MLPH: variants seen among roughly 807,000 people sequenced by gnomAD.
The protein encoded by MLPH is exophilin-3.
In MLPH, 51 loss-of-function variants were observed where a neutral mutation model predicts 72.1. The ratio of observed to expected loss-of-function variants is 0.71; its 90% CI spans 0.56 to 0.89. The LOEUF (loss-of-function observed/expected upper bound fraction) is 0.89. MLPH is among the 40% of genes least tolerant of loss of function. The pLI, the probability that MLPH is intolerant of heterozygous loss-of-function variation, is 0.00. For missense variants in MLPH, 743 were observed against 759.9 expected (o/e 0.98, Z 0.26); for synonymous variants, 301 against 310.1 (o/e 0.97, Z 0.31).
intron 10 of MLPH, 124 bp from the exon 11 acceptor site, chr2:237,540,678 C>G: frequency 6.6e-7 from 1 of 1,510,654 alleles, no homozygotes. Flanking sequence ...CAGCGGGTGG[C>G]CGGCTCCTGA....
In MLPH at chr2:237,518,028, G is replaced by A. The variant is rs1574861219; in HGVS notation, c.446-511G>A. Reference sequence around the variant, plus strand: ...GTGGGTGCATGGATGAAGGAGGGAGGGGTGGATGGGTGGGTGAGTGGATGA... The same window carrying A: ...GTGGGTGCATGGATGAAGGAGGGAGAGGTGGATGGGTGGGTGAGTGGATGA... On this transcript the variant is annotated intron_variant, in intron 4 of 15. Coordinates refer to ENST00000264605, the MANE Select transcript of MLPH (RefSeq NM_024101.7). 1.1e-5 allele frequency: 3 copies of A among 264,314 alleles called. No individual in the cohort carries two copies. The East Asian group carries it at 2.9e-4, about 26-fold the overall frequency. 16.4% of individuals were successfully genotyped at this position (264,314 alleles called of 1,614,324 possible).
At chr2:237,540,775 G>A (rs368718860) in intron 10 of MLPH, 27 bp from the exon 11 acceptor site, 148 of 1,611,430 alleles carry the variant, frequency 9.2e-5, no homozygotes, top group East Asian at 6.5e-4. Flanking sequence ...CCTGCTGCTG[G>A]TCAGCCTCCG....
Position 237,511,018 on chromosome 2 carries a change from A to G in MLPH, c.362A>G (p.Tyr121Cys), listed in dbSNP as rs1256128725. The G allele has an allele frequency of 6.2e-7, 1 of 1,613,912 alleles. No homozygotes were observed. Among genetic ancestry groups the G allele is most frequent in the Non-Finnish European group, 8.5e-7 (1 of 1,179,972 alleles). ...RVVKIGSLEW[Y>C]YEHVKARFKR... ...GTGAAGATCGGCTCACTGGAGTGGTACTATGAGCATGTGAAAGCCCGCTTC... is the reference window on the plus strand; with the variant it reads ...GTGAAGATCGGCTCACTGGAGTGGTGCTATGAGCATGTGAAAGCCCGCTTC... The change falls in exon 4 of 16, where the codon TAC becomes TGC. Residue 121 changes from tyrosine to cysteine, a missense_variant. By Grantham distance (194) the Tyr-to-Cys change is radical. Coordinates refer to ENST00000264605, the MANE Select transcript of MLPH (RefSeq NM_024101.7).
intron 15 of MLPH, 47 bp downstream of exon 15, chr2:237,552,484 C>A: frequency 6.7e-7 from 1 of 1,490,362 alleles, no homozygotes; most frequent in Non-Finnish European, 9.4e-7. Flanking sequence ...GTTCAGTGAC[C>A]CGTCAGATTT....
chr2:237,534,172 T>C (rs897152430), intron 8 of MLPH, among the ~76,000 whole-genome samples: 2 of 152,242 alleles, frequency 1.3e-5, no homozygotes, highest in Non-Finnish European at 2.9e-5. Context: ...TGCTAGCTAA[T>C]GACTGTGAGT....
chr2:237,511,180 ATGTGTGTGTGTACG>A, intron 4 of MLPH, 79 bp downstream of exon 4: 2 of 1,108,252 alleles, frequency 1.8e-6, no homozygotes, highest in Non-Finnish European at 1.4e-6. Context: ...TGGAGTGTGC[ATGTGTGTGTGTACG>A]TGTGTGTGTG....
chr2:237,545,554 C>T (rs1288167499), intron 12 of MLPH: 1 of 1,288,466 alleles, frequency 7.8e-7, no homozygotes, highest in African/African-American at 1.5e-5. Context: ...AATCATGTTG[C>T]CTCATGTGGA....
chr2:237,524,551 A>C (rs13391544), intron 6 of MLPH, among the ~76,000 whole-genome samples: 5,690 of 151,952 alleles, frequency 0.037, 344 homozygotes, highest in African/African-American at 0.12. Context: ...GGCTGATTAG[A>C]TGGTGCCCAC....
intron 4 of MLPH, among the ~76,000 whole-genome samples, chr2:237,514,986 G>A (rs1477594544): frequency 6.6e-6 from 1 of 152,206 alleles, no homozygotes; most frequent in Non-Finnish European, 1.5e-5. Context: ...CCTGATCTCA[G>A]CTGTTTGTTA....
At position 237,510,471 on chromosome 2, in the gene MLPH, ATG is replaced by A; in HGVS notation, c.111-99_111-98del. The A allele has an allele frequency of 9.5e-7, 1 of 1,050,640 alleles. No homozygotes were observed. Among genetic ancestry groups the A allele is most frequent in the Non-Finnish European group, 1.4e-6 (1 of 690,178 alleles). 65.1% of individuals were successfully genotyped at this position (1,050,640 alleles called of 1,614,324 possible). A position where few individuals can be genotyped will look rare whatever the true frequency, so the allele number is the denominator to read the frequency against. ...TAGGAGACAGTTACTGTGTGTGTGT[ATG>A]TGTCTGTGTCTGTGTGTGTGTGTAT... On this transcript the variant is annotated intron_variant, in intron 2 of 15. Coordinates refer to ENST00000264605, the MANE Select transcript of MLPH (RefSeq NM_024101.7). The surrounding 1 kb of genome is among the most constrained non-coding windows in gnomAD (Gnocchi z 4.4).
chr2:237,493,637 G>T lies in MLPH; in HGVS notation c.110+101G>T, dbSNP rs1326441668. 4 of 836,682 alleles carry T rather than the reference G, an allele frequency of 4.8e-6. No homozygotes were observed. The South Asian group carries it at 5.4e-5, about 11-fold the overall frequency. 51.8% of individuals were successfully genotyped at this position (836,682 alleles called of 1,614,324 possible). On this transcript the variant is annotated intron_variant, in intron 2 of 15. Transcript: ENST00000264605. ...GGGTGGGTCAACAGCCACGTGCAGG[G>T]TGAAGAGTGATGGACAGGAAGCCAG...
At chr2:237,546,790 A>G in intron 13 of MLPH, 107 bp downstream of exon 13, 1 of 895,320 alleles carries the variant, frequency 1.1e-6, no homozygotes, top group South Asian at 1.3e-5. Context: ...CAATGTCCTC[A>G]CAGCTACCCA....
At chr2:237,489,868 T>A (rs1468665351) in intron 1 of MLPH, among the ~76,000 whole-genome samples, 1 of 152,142 alleles carries the variant, frequency 6.6e-6, no homozygotes, top group East Asian at 1.9e-4. Context: ...GACACACTAC[T>A]GGAATTCAGC....
chr2:237,545,699 C>T, intron 12 of MLPH: 1 of 1,199,318 alleles, frequency 8.3e-7, no homozygotes, highest in Non-Finnish European at 1.1e-6. Context: ...CAGACAAAAC[C>T]ATCCTGATTA....
At chr2:237,517,384 C>G (rs1379818099) in intron 4 of MLPH, among the ~76,000 whole-genome samples, 2 of 142,966 alleles carry the variant, frequency 1.4e-5, no homozygotes, top group African/African-American at 5.1e-5. Context: ...GATGGATGGG[C>G]AGATAAGGTG....
chr2:237,488,343 C>T (rs116186581), intron 1 of MLPH, among the ~76,000 whole-genome samples: 2,988 of 152,178 alleles, frequency 0.02, 51 homozygotes, highest in Non-Finnish European at 0.027. Context: ...ACATTGACAC[C>T]CCGGGTTCAG....
intron 11 of MLPH, 35 bp from the exon 12 acceptor site, chr2:237,542,532 G>T: frequency 6.5e-7 from 1 of 1,533,826 alleles, no homozygotes. Context: ...TCGAGCGTCT[G>T]TCTGACGGGC....
intron 6 of MLPH, among the ~76,000 whole-genome samples, chr2:237,524,457 T>A (rs2080259268): frequency 6.6e-6 from 1 of 151,864 alleles, no homozygotes; most frequent in African/African-American, 2.4e-5. Context: ...GCAGGAAACA[T>A]CCAGCACAGA....
intron 4 of MLPH, among the ~76,000 whole-genome samples, chr2:237,515,195 C>G (rs1010184304): frequency 2.0e-5 from 3 of 152,158 alleles, no homozygotes; most frequent in Non-Finnish European, 2.9e-5. Flanking sequence ...GTGGACATCA[C>G]GGAGGAGGGT....
Sources: gnomAD v4.1 joint callset for allele counts (sites outside exome capture counted in the v4.1 genomes callset) on GRCh38, gnomAD v4.1.1 for gene constraint, Gnocchi (gnomAD v3.1) non-coding constraint, MANE v1.5 for transcripts, NCBI Gene and HGNC (gene_info 2026-07-23, HGNC 2026-07-21) for gene names.